USP22: variants seen among roughly 807,000 people sequenced by gnomAD.
USP22 encodes the protein ubiquitin specific peptidase 22, also known as ubiquitin carboxyl-terminal hydrolase 22.
A neutral mutation model predicts 68.1 loss-of-function variants in USP22; 22 were observed. The ratio of observed to expected loss-of-function variants is 0.32; its 90% CI spans 0.23 to 0.46. The LOEUF (loss-of-function observed/expected upper bound fraction) is 0.46, where lower values mean the gene tolerates loss of function less well. Among genes scored for constraint, USP22 ranks in the 20% least tolerant of loss-of-function variants. The pLI, the probability that USP22 is intolerant of heterozygous loss-of-function variation, is 1.00. For missense variants in USP22, 433 were observed against 695.8 expected, an observed-to-expected ratio of 0.62 and a Z score of 4.25; for synonymous variants, 279 against 274.2, an observed-to-expected ratio of 1.02 and a Z score of -0.17.
Position 21,005,009 on chromosome 17 carries a change from G to A in USP22, c.1323-19C>T, listed in dbSNP as rs1913736021. On this transcript the variant is annotated intron_variant, in intron 10 of 12. Transcript: ENST00000261497. ...CTCTTTGCTGTAACAGACAACGGCAGGATTCAGCATCATTAAAATCATCAG... is the reference window on the plus strand; with the variant it reads ...CTCTTTGCTGTAACAGACAACGGCAAGATTCAGCATCATTAAAATCATCAG... 3.1e-6 allele frequency: 5 copies of A among 1,613,926 alleles called. No homozygotes were observed. The highest frequency in any genetic ancestry group is 4.2e-6 in the Non-Finnish European group (5 of 1,179,866).
chr17:21,009,431 G>A (rs957450980), intron 8 of USP22, among the ~76,000 whole-genome samples: 3 of 150,124 alleles, frequency 2.0e-5, no homozygotes, highest in Non-Finnish European at 3.0e-5. Context: ...CAAAGGACTC[G>A]AAAAGGAGCC....
In USP22 at chr17:21,011,823, C is replaced by A. The variant is rs375765540; in HGVS notation, c.945-514G>T. On this transcript the variant is annotated intron_variant, in intron 7 of 12. Transcript: ENST00000261497. The stretch of plus-strand genomic sequence containing the variant: ...TAACAATATAAAAAATGAAAACTTG[C>A]AGACTGGGAAATTTACTCTCGATAT... Among the ~76,000 whole-genome samples, 16 of 152,300 alleles carry A rather than the reference C, an allele frequency of 1.1e-4. No individual in the cohort carries two copies. In the South Asian group the frequency reaches 3.3e-3, roughly 32 times the overall value.
chr17:21,041,461 G>C lies in USP22; in HGVS notation c.171+1204C>G, dbSNP rs954207415. Reference sequence around the variant, plus strand: ...AAAAATACAAAAATTAGCCGGGCGTGGTAGCAGGAGCCTGTAATCCCAGCT... The same window carrying C: ...AAAAATACAAAAATTAGCCGGGCGTCGTAGCAGGAGCCTGTAATCCCAGCT... On this transcript the variant is annotated intron_variant, in intron 1 of 12. Coordinates refer to ENST00000261497, the MANE Select transcript of USP22 (RefSeq NM_015276.2). 6.6e-5 allele frequency among the ~76,000 whole-genome samples: 10 copies of C among 152,162 alleles called. No individual in the cohort carries two copies. The East Asian group carries it at 7.8e-4, about 12-fold the overall frequency.
At chr17:21,043,413 G>A (rs1972478053), upstream of USP22, 1 of 386,586 alleles carries the variant, frequency 2.6e-6, no homozygotes, top group African/African-American at 2.2e-5. Flanking sequence ...GTCTCTTCCA[G>A]AGGACTGGGG....
chr17:21,009,972 T>TTAA (rs3047631), intron 8 of USP22, among the ~76,000 whole-genome samples: 33,063 of 142,372 alleles, frequency 0.23, 4,357 homozygotes, highest in Middle Eastern at 0.31. Flanking sequence ...AAAAAAAAAT[T>TTAA]AAAAAAAAAA....
intron 3 of USP22, among the ~76,000 whole-genome samples, 174 bp from the exon 4 acceptor site, chr17:21,019,359 C>G (rs570939887): frequency 6.6e-6 from 1 of 152,384 alleles, no homozygotes; most frequent in African/African-American, 2.4e-5. Flanking sequence ...ACACACAACA[C>G]TTAAAGGAGC....
chr17:21,025,052 G>A (rs1972203442), intron 2 of USP22, among the ~76,000 whole-genome samples: 1 of 152,110 alleles, frequency 6.6e-6, no homozygotes, highest in African/African-American at 2.4e-5. Flanking sequence ...AAACTAAAAA[G>A]AACCTACAAA....
At chr17:21,034,616 G>A (rs1200782280) in intron 1 of USP22, among the ~76,000 whole-genome samples, 2 of 152,200 alleles carry the variant, frequency 1.3e-5, no homozygotes, top group East Asian at 1.9e-4. Flanking sequence ...CAGCTTCTCC[G>A]TGCCATCTAG....
At chr17:21,017,843 A>C in intron 5 of USP22, 99 bp downstream of exon 5, 1 of 1,428,504 alleles carries the variant, frequency 7.0e-7, no homozygotes, top group South Asian at 1.3e-5. Flanking sequence ...AAAAGGTTCT[A>C]AATGTATCTT....
At chr17:21,042,021 G>C (rs1020765192) in intron 1 of USP22, among the ~76,000 whole-genome samples, 3 of 152,194 alleles carry the variant, frequency 2.0e-5, no homozygotes, top group African/African-American at 4.8e-5. Flanking sequence ...CAGCCGCGAA[G>C]CTCCGGCCCC....
At chr17:21,009,730 G>A (rs544009082) in intron 8 of USP22, among the ~76,000 whole-genome samples, 42 of 152,262 alleles carry the variant, frequency 2.8e-4, no homozygotes, top group African/African-American at 9.9e-4. Flanking sequence ...CAAGGCAGGC[G>A]GATCACCTAA....
chr17:21,006,827 G>T, intron 10 of USP22, 69 bp downstream of exon 10: 1 of 1,316,750 alleles, frequency 7.6e-7, no homozygotes, highest in Non-Finnish European at 1.0e-6. Context: ...TAGGAGCTCC[G>T]AGCTGGATTC....
At chr17:21,036,520 A>AGGGG (rs576667414) in intron 1 of USP22, among the ~76,000 whole-genome samples, 1 of 70,756 alleles carries the variant, frequency 1.4e-5, no homozygotes, top group African/African-American at 5.7e-5. Flanking sequence ...CTGTACTGTA[A>AGGGG]GGGGGGGGGG....
rs78847162 is a variant in USP22, at chr17:21,010,643, G to A, written c.1103+508C>T. Among the ~76,000 whole-genome samples the A allele has an allele frequency of 6.4e-4, 90 of 141,666 alleles. No individual in the cohort carries two copies. The East Asian group carries it at 0.014, about 22-fold the overall frequency. 92.9% of individuals were successfully genotyped at this position (141,666 alleles called of 152,430 possible). ...CGCACCACTGCATTCCAGCCTGGTC[G>A]ACAGAGCACAACTCTGTCTCAAAAA... On this transcript the variant is annotated intron_variant, in intron 8 of 12. Coordinates refer to ENST00000261497, the MANE Select transcript of USP22 (RefSeq NM_015276.2).
chr17:21,003,906 A>T (rs76621449), intron 12 of USP22, among the ~76,000 whole-genome samples: 47,679 of 141,286 alleles, frequency 0.34, 7,347 homozygotes, highest in Admixed American at 0.42. Context: ...GTCTCAAAAA[A>T]AAAAAAAAAA....
At chr17:21,025,344 A>G (rs748432925) in intron 2 of USP22, among the ~76,000 whole-genome samples, 1 of 152,204 alleles carries the variant, frequency 6.6e-6, no homozygotes, top group Non-Finnish European at 1.5e-5. Context: ...TCACACTATT[A>G]TGGGTATTAA....
intron 5 of USP22, 78 bp downstream of exon 5, chr17:21,017,864 G>A: frequency 6.5e-7 from 1 of 1,533,980 alleles, no homozygotes; most frequent in Non-Finnish European, 8.9e-7. Flanking sequence ...CCTTTATCAT[G>A]GTCCACCTTA....
intron 2 of USP22, among the ~76,000 whole-genome samples, chr17:21,026,997 G>T (rs1314434478): frequency 6.6e-6 from 1 of 151,750 alleles, no homozygotes; most frequent in Non-Finnish European, 1.5e-5. Context: ...TAGAGACGGG[G>T]TTTCACCATG....
At chr17:21,018,146 G>A in intron 4 of USP22, 35 bp from the exon 5 acceptor site, 1 of 1,529,184 alleles carries the variant, frequency 6.5e-7, no homozygotes, top group Non-Finnish European at 8.8e-7. Context: ...GGAGTTACCT[G>A]TGTGCTGAAC....
Sources: allele counts gnomAD v4.1 joint callset (sites outside exome capture counted in the v4.1 genomes callset), GRCh38; gene constraint gnomAD v4.1.1; transcripts MANE v1.5; gene names NCBI Gene and HGNC (gene_info 2026-07-23, HGNC 2026-07-21).